FHIP1A: variants seen among roughly 807,000 people sequenced by gnomAD.
The protein encoded by FHIP1A is FHF complex subunit HOOK-interacting protein 1A.
Under a neutral mutation model 88.6 loss-of-function variants are expected in FHIP1A, and 61 were observed. The ratio of observed to expected loss-of-function variants is 0.69; its 90% CI spans 0.56 to 0.85. The LOEUF (loss-of-function observed/expected upper bound fraction) is 0.85. Among genes scored for constraint, FHIP1A ranks in the 40% least tolerant of loss-of-function variants. The probability of loss-of-function intolerance (pLI) is 0.00; values close to 1 mark genes in which losing one functional copy is unlikely to be tolerated. For synonymous variants in FHIP1A, 478 were observed against 496.0 expected (o/e 0.96, Z 0.48); for missense variants, 1,154 against 1,273.5 (o/e 0.91, Z 1.43).
intron 3 of FHIP1A, among the ~76,000 whole-genome samples, chr4:151,552,132 T>C (rs1009208484): frequency 6.6e-6 from 1 of 152,236 alleles, no homozygotes; most frequent in African/African-American, 2.4e-5. Flanking sequence ...TAAGATACCA[T>C]CTCACACCAG....
chr4:151,561,498 G>A (rs543220904), intron 3 of FHIP1A, among the ~76,000 whole-genome samples: 3 of 152,184 alleles, frequency 2.0e-5, no homozygotes, highest in African/African-American at 4.8e-5. Flanking sequence ...GGTTGTCTGA[G>A]GTAATTTGAC....
At chr4:151,558,010 C>T (rs1733020061) in intron 3 of FHIP1A, among the ~76,000 whole-genome samples, 5 of 152,100 alleles carry the variant, frequency 3.3e-5, no homozygotes, top group Admixed American at 3.3e-4. Context: ...TACAGTACTG[C>T]TTTATTCAGG....
chr4:151,525,113 A>G (rs920565914), intron 3 of FHIP1A, among the ~76,000 whole-genome samples: 4 of 152,218 alleles, frequency 2.6e-5, no homozygotes, highest in African/African-American at 9.6e-5. Context: ...TGAAATTAAG[A>G]GAAATCTTCT....
At chr4:151,503,498 A>G (rs1325249372) in intron 3 of FHIP1A, among the ~76,000 whole-genome samples, 1 of 152,152 alleles carries the variant, frequency 6.6e-6, no homozygotes, top group African/African-American at 2.4e-5. Flanking sequence ...ACAGTTAGAT[A>G]AGCTTGATCT....
At chr4:151,487,262 T>C (rs1242573413) in intron 3 of FHIP1A, among the ~76,000 whole-genome samples, 1 of 152,196 alleles carries the variant, frequency 6.6e-6, no homozygotes, top group Non-Finnish European at 1.5e-5. Context: ...TTTTTTTCTT[T>C]AGTTTTATGG....
At chr4:151,476,186 G>A (rs539236702) in intron 2 of FHIP1A, among the ~76,000 whole-genome samples, 167 of 109,736 alleles carry the variant, frequency 1.5e-3, no homozygotes, top group Admixed American at 3.4e-3. Context: ...TTTTTGCCCA[G>A]GCTGGAGCGC....
chr4:151,547,814 T>C (rs547415353), intron 3 of FHIP1A, among the ~76,000 whole-genome samples: 2 of 151,920 alleles, frequency 1.3e-5, no homozygotes, highest in South Asian at 2.1e-4. Flanking sequence ...CTCGGGAAGC[T>C]GAGGCAGGAG....
chr4:151,420,971 TCCTTAA>T (rs1034327787), intron 1 of FHIP1A, among the ~76,000 whole-genome samples: 1 of 152,184 alleles, frequency 6.6e-6, no homozygotes, highest in Non-Finnish European at 1.5e-5. Context: ...TTTTATATCA[TCCTTAA>T]CCTAGAGCCA....
intron 3 of FHIP1A, among the ~76,000 whole-genome samples, chr4:151,539,581 A>AAAAAAC (rs1560756475): frequency 2.0e-5 from 3 of 151,674 alleles, no homozygotes; most frequent in African/African-American, 7.3e-5. Flanking sequence ...AAAAAAAAAA[A>AAAAAAC]AAAAATACAG....
chr4:151,649,301 A>G (rs1210493265), intron 10 of FHIP1A, among the ~76,000 whole-genome samples, 158 bp from the exon 11 acceptor site: 1 of 152,102 alleles, frequency 6.6e-6, no homozygotes, highest in Non-Finnish European at 1.5e-5. Context: ...TTTCCTTCTT[A>G]CAATCTAACC....
chr4:151,586,792 T>C lies in FHIP1A; in HGVS notation c.884T>C (p.Val295Ala). The change falls in exon 6 of 14, where the codon GTC becomes GCC. Residue 295 changes from valine to alanine, a missense_variant. Transcript: ENST00000435205. ...AACTCCCTGGAGTTTTGCAATGCAG[T>C]CATACAGGTACCAGAGCACAATAAA... is the stretch of plus-strand genomic sequence containing the variant. Reference protein sequence around the residue: ...FMNSLEFCNAVIQVAHPLIRN... With the variant: ...FMNSLEFCNAAIQVAHPLIRN... 1 of 1,548,266 alleles carries C rather than the reference T, an allele frequency of 6.5e-7. No homozygotes were observed. Among genetic ancestry groups the C allele is most frequent in the Non-Finnish European group, 8.7e-7 (1 of 1,144,268 alleles).
At chr4:151,472,285 C>G (rs570467988) in intron 2 of FHIP1A, among the ~76,000 whole-genome samples, 1 of 152,016 alleles carries the variant, frequency 6.6e-6, no homozygotes, top group Admixed American at 6.6e-5. Context: ...TGGCTTTTAA[C>G]GTGTATTCAG....
intron 2 of FHIP1A, among the ~76,000 whole-genome samples, chr4:151,476,348 T>C (rs1354543872): frequency 6.6e-6 from 1 of 151,844 alleles, no homozygotes; most frequent in Non-Finnish European, 1.5e-5. Context: ...GAAGTCTTGC[T>C]ATGTTGCCTA....
chr4:151,558,446 A>G (rs1005249669), intron 3 of FHIP1A, among the ~76,000 whole-genome samples: 9 of 152,152 alleles, frequency 5.9e-5, no homozygotes, highest in African/African-American at 2.2e-4. Flanking sequence ...GAGGCATGAG[A>G]ATCGCTTGAA....
At chr4:151,634,812 A>T (rs1736287812) in intron 8 of FHIP1A, among the ~76,000 whole-genome samples, 1 of 151,908 alleles carries the variant, frequency 6.6e-6, no homozygotes, top group African/African-American at 2.4e-5. Context: ...AGAAGAAAAC[A>T]TGGAGGAAAA....
intron 8 of FHIP1A, among the ~76,000 whole-genome samples, chr4:151,631,888 A>G (rs1005944922): frequency 6.6e-6 from 1 of 152,174 alleles, no homozygotes; most frequent in South Asian, 2.1e-4. Flanking sequence ...GAAAAGAGGA[A>G]TAAAGTAGCT....
chr4:151,433,952 C>T (rs770897515), intron 1 of FHIP1A, among the ~76,000 whole-genome samples: 2 of 152,010 alleles, frequency 1.3e-5, no homozygotes, highest in Admixed American at 6.6e-5. Flanking sequence ...GAGATTTTTC[C>T]GTCATATCTT....
chr4:151,620,006 A>G (rs1171896617), intron 7 of FHIP1A, among the ~76,000 whole-genome samples: 1 of 152,226 alleles, frequency 6.6e-6, no homozygotes, highest in Admixed American at 6.5e-5. Flanking sequence ...TTTATTCCCA[A>G]GGAAGAGAGG....
chr4:151,495,203 G>GA (rs1365341826), intron 3 of FHIP1A, among the ~76,000 whole-genome samples: 2 of 151,998 alleles, frequency 1.3e-5, no homozygotes, highest in Non-Finnish European at 1.5e-5. Context: ...AGAAAGTATA[G>GA]AAAAAAGAAT....
Sources: allele counts gnomAD v4.1 joint callset (sites outside exome capture counted in the v4.1 genomes callset), GRCh38; gene constraint gnomAD v4.1.1; transcripts MANE v1.5; gene names NCBI Gene and HGNC (gene_info 2026-07-23, HGNC 2026-07-21).